Variants in MAPK10 observed in about 807,000 individuals in gnomAD.
The protein encoded by MAPK10 is JNK3 alpha protein kinase.
Under a neutral mutation model 59.3 loss-of-function variants are expected in MAPK10, and 25 were observed. That is an observed-to-expected ratio of 0.42 (90% CI 0.31 to 0.59). The LOEUF is 0.59. Ranked by LOEUF, MAPK10 falls within the 20% of genes least tolerant of loss-of-function variation. The pLI is 0.15. For missense variants in MAPK10, 351 were observed against 568.9 expected (o/e 0.62, Z 3.90); for synonymous variants, 190 against 200.5 (o/e 0.95, Z 0.44).
At chr4:86,169,626 T>G (rs909889901) in intron 3 of MAPK10, among the ~76,000 whole-genome samples, 3 of 152,008 alleles carry the variant, frequency 2.0e-5, no homozygotes, top group Non-Finnish European at 4.4e-5. Context: ...TGGAACCAAG[T>G]TGGAAAACAC....
At chr4:86,543,538 C>A (rs1433134301) in intron 1 of MAPK10, among the ~76,000 whole-genome samples, 2 of 152,184 alleles carry the variant, frequency 1.3e-5, no homozygotes, top group Non-Finnish European at 2.9e-5. Flanking sequence ...TCATAAAAAT[C>A]TACTGTCCTT....
At chr4:86,586,911 G>A (rs1299052902) in intron 1 of MAPK10, among the ~76,000 whole-genome samples, 1 of 152,148 alleles carries the variant, frequency 6.6e-6, no homozygotes, top group East Asian at 1.9e-4. Context: ...TAGATCTAGC[G>A]AGTCCTGGTG....
At chr4:86,167,966 T>C (rs143492212) in intron 3 of MAPK10, among the ~76,000 whole-genome samples, 1 of 152,354 alleles carries the variant, frequency 6.6e-6, no homozygotes. Flanking sequence ...CATGATCCTA[T>C]ATCTAGAAAA....
chr4:86,337,844 T>C (rs1216600384), intron 2 of MAPK10, among the ~76,000 whole-genome samples: 1 of 152,202 alleles, frequency 6.6e-6, no homozygotes, highest in African/African-American at 2.4e-5. Flanking sequence ...TCCAGTGCTA[T>C]CAGACTGGTC....
chr4:86,140,018 A>G (rs2063259502), intron 4 of MAPK10, among the ~76,000 whole-genome samples: 1 of 132,504 alleles, frequency 7.5e-6, no homozygotes, highest in South Asian at 2.6e-4. Flanking sequence ...GCAATCATTA[A>G]AAAGTCAGGA....
chr4:86,359,553 C>G (rs779847083), intron 1 of MAPK10, 105 bp downstream of exon 1: 1 of 376,318 alleles, frequency 2.7e-6, no homozygotes, highest in Non-Finnish European at 3.7e-6. Flanking sequence ...CCACCTCTCT[C>G]GTCTCTTCCA....
chr4:86,076,724 G>C (rs1190147272), intron 9 of MAPK10, among the ~76,000 whole-genome samples: 2 of 152,054 alleles, frequency 1.3e-5, no homozygotes, highest in African/African-American at 4.8e-5. Context: ...TGGGAAAACA[G>C]ATTTCCACAA....
chr4:86,530,365 T>C (rs113376142), intron 1 of MAPK10, among the ~76,000 whole-genome samples: 7,132 of 152,256 alleles, frequency 0.047, 222 homozygotes, highest in African/African-American at 0.059. Context: ...TAAATATCTA[T>C]TGCATGAATG....
At chr4:86,051,486 C>T (rs2043525847) in intron 11 of MAPK10, among the ~76,000 whole-genome samples, 1 of 152,188 alleles carries the variant, frequency 6.6e-6, no homozygotes, top group Non-Finnish European at 1.5e-5. Flanking sequence ...AGCTCTGCAA[C>T]TTCCAGACTT....
intron 9 of MAPK10, among the ~76,000 whole-genome samples, chr4:86,086,870 GA>G (rs1161578642): frequency 3.3e-5 from 5 of 152,114 alleles, no homozygotes; most frequent in Admixed American, 6.5e-5. Context: ...CTTTAAGACT[GA>G]TTTAAAACTT....
chr4:86,545,868 T>C (rs1327240765), intron 1 of MAPK10, among the ~76,000 whole-genome samples: 1 of 152,226 alleles, frequency 6.6e-6, no homozygotes, highest in African/African-American at 2.4e-5. Flanking sequence ...TCATTCTTCC[T>C]GATATTGTTA....
At position 86,591,359 on chromosome 4, in the gene MAPK10, TG is replaced by T. The variant is rs550694460; in HGVS notation, c.-263+2550del. ...CATGAGAAAGCTCTTGATTTTCATA[TG>T]TTTTTTTATTATTATTATTATTGTT... On this transcript the variant is annotated intron_variant, in intron 1 of 4. Coordinates refer to the MAPK10 transcript ENST00000502302. 1.0e-3 allele frequency among the ~76,000 whole-genome samples: 156 copies of T among 152,246 alleles called. 1 individual carries two copies. The South Asian group carries it at 0.024, about 23-fold the overall frequency.
intron 13 of MAPK10, chr4:86,023,787 T>C (rs1394553463): frequency 1.5e-5 from 2 of 136,638 alleles, no homozygotes; most frequent in African/African-American, 2.8e-5. Flanking sequence ...TGTCAGTGGA[T>C]TGGATGTTAA....
At chr4:86,129,733 A>G (rs1562071423) in intron 4 of MAPK10, among the ~76,000 whole-genome samples, 1 of 152,040 alleles carries the variant, frequency 6.6e-6, no homozygotes, top group Non-Finnish European at 1.5e-5. Flanking sequence ...GGATTTCCTG[A>G]CCAGCTGGTT....
chr4:86,503,094 CTA>C (rs1755447400), intron 1 of MAPK10, among the ~76,000 whole-genome samples: 1 of 152,044 alleles, frequency 6.6e-6, no homozygotes, highest in African/African-American at 2.4e-5. Context: ...ACCTAGATGT[CTA>C]GCATTTCAAA....
At chr4:86,464,165 G>A (rs1383608128) in intron 1 of MAPK10, among the ~76,000 whole-genome samples, 1 of 152,118 alleles carries the variant, frequency 6.6e-6, no homozygotes, top group East Asian at 1.9e-4. Context: ...GACTTTGTGG[G>A]TATTCTCGAT....
At chr4:86,185,730 G>A (rs1428677865) in intron 3 of MAPK10, among the ~76,000 whole-genome samples, 1 of 152,120 alleles carries the variant, frequency 6.6e-6, no homozygotes, top group Non-Finnish European at 1.5e-5. Context: ...TAATTATAGA[G>A]TCAACAGAAT....
intron 2 of MAPK10, among the ~76,000 whole-genome samples, chr4:86,279,759 T>A (rs1393863828): frequency 6.6e-6 from 1 of 152,056 alleles, no homozygotes; most frequent in African/African-American, 2.4e-5. Flanking sequence ...AGGGGCAAAT[T>A]AGCAGAATCA....
At chr4:86,196,374 T>C (rs1403080262) in intron 2 of MAPK10, among the ~76,000 whole-genome samples, 2 of 152,228 alleles carry the variant, frequency 1.3e-5, no homozygotes, top group Admixed American at 1.3e-4. Context: ...TTGAGAAGTG[T>C]CTGTTCATAT....
Sources: gnomAD v4.1 joint callset for allele counts (sites outside exome capture counted in the v4.1 genomes callset) on GRCh38, gnomAD v4.1.1 for gene constraint, MANE v1.5 for transcripts, NCBI Gene and HGNC (gene_info 2026-07-23, HGNC 2026-07-21) for gene names.